KHDC1: variants seen among roughly 807,000 people sequenced by gnomAD.
The protein encoded by KHDC1 is KH homology domain-containing protein 1.
A neutral mutation model predicts 24.7 loss-of-function variants in KHDC1; 21 were observed. That is an observed-to-expected ratio of 0.85 (90% confidence interval 0.60 to 1.23). The LOEUF (loss-of-function observed/expected upper bound fraction) is 1.23, where lower values mean the gene tolerates loss of function less well. KHDC1 is among the 50% of genes most tolerant of loss of function. The pLI is 0.00. For missense variants in KHDC1, 274 were observed against 298.5 expected (o/e 0.92, Z 0.61); for synonymous variants, 98 against 111.7 (o/e 0.88, Z 0.77).
chr6:73,274,404 A>G (rs986424987), intron 2 of KHDC1: 45 of 152,108 alleles, frequency 3.0e-4, no homozygotes, highest in African/African-American at 9.9e-4. Flanking sequence ...AACTCTACCT[A>G]ATGTTGGTGA....
chr6:73,251,266 A>T (rs1461122305), intron 2 of KHDC1, among the ~76,000 whole-genome samples: 1 of 152,240 alleles, frequency 6.6e-6, no homozygotes, highest in African/African-American at 2.4e-5. Context: ...ATTAAAAATC[A>T]AAGTCCTTCA....
intron 2 of KHDC1, chr6:73,284,518 T>C (rs1767481815): frequency 6.6e-6 from 1 of 152,124 alleles, no homozygotes. Context: ...ATAAAAACTC[T>C]GGCCTCTGAG....
chr6:73,299,499 C>G (rs567073668), intron 1 of KHDC1: 1 of 152,774 alleles, frequency 6.5e-6, no homozygotes, highest in South Asian at 2.1e-4. Context: ...CCCTCCCCAG[C>G]TGGGACCTCC....
chr6:73,255,878 G>A (rs1409130884), intron 2 of KHDC1, among the ~76,000 whole-genome samples: 1 of 149,190 alleles, frequency 6.7e-6, no homozygotes, highest in Non-Finnish European at 1.5e-5. Flanking sequence ...CTCCAGCCTG[G>A]GTGACAGAGT....
exon 5 of KHDC1, chr6:73,241,489 C>T (rs776040074): frequency 6.3e-7 from 1 of 1,592,614 alleles, no homozygotes; most frequent in Admixed American, 1.7e-5. Context: ...GCCAAGATTT[C>T]TCCTCTCATC....
rs898221548 is a variant in KHDC1, at chr6:73,277,554, T to G, written c.206+14444A>C. Among the ~76,000 whole-genome samples the G allele has an allele frequency of 2.0e-4, 31 of 152,120 alleles. 1 individual carries two copies. The highest frequency in any genetic ancestry group is 2.0e-3 in the Admixed American group (31 of 15,260). ...ACACATTATCAGTTAGTATAAAACTTTAAAATATCGCTTGGGCCAAGCGCA... is the reference window on the plus strand; with the variant it reads ...ACACATTATCAGTTAGTATAAAACTGTAAAATATCGCTTGGGCCAAGCGCA... On this transcript the variant is annotated intron_variant, in intron 2 of 4. Coordinates refer to ENST00000370384, the Ensembl canonical transcript of KHDC1.
intron 2 of KHDC1, chr6:73,291,056 AG>A: frequency 2.4e-6 from 1 of 418,454 alleles, no homozygotes; most frequent in Non-Finnish European, 4.7e-6. Context: ...CTGAAAAAGG[AG>A]GAATTTCAAA....
intron 2 of KHDC1, among the ~76,000 whole-genome samples, chr6:73,279,870 C>T (rs1324706165): frequency 1.3e-5 from 2 of 152,122 alleles, no homozygotes; most frequent in Admixed American, 6.6e-5. Flanking sequence ...GCCACCTTGC[C>T]CGGCCAAGAT....
chr6:73,289,125 G>A (rs982560462), intron 2 of KHDC1, among the ~76,000 whole-genome samples: 7 of 151,798 alleles, frequency 4.6e-5, no homozygotes, highest in Admixed American at 4.6e-4. Flanking sequence ...CTTGAGGCCA[G>A]GAGTTCAAGA....
At chr6:73,245,139 G>T (rs2150551071) in intron 2 of KHDC1, among the ~76,000 whole-genome samples, 1 of 152,244 alleles carries the variant, frequency 6.6e-6, no homozygotes, top group Middle Eastern at 3.4e-3. Context: ...GGAGGGCAAA[G>T]ATACCAGAAC....
At chr6:73,257,109 A>G (rs145065287) in intron 2 of KHDC1, among the ~76,000 whole-genome samples, 2,304 of 152,272 alleles carry the variant, frequency 0.015, 26 homozygotes, top group East Asian at 0.056. Context: ...CCTAGGCAAC[A>G]TGGCAAAACC....
At chr6:73,289,507 A>T (rs1767596466) in intron 2 of KHDC1, among the ~76,000 whole-genome samples, 1 of 150,840 alleles carries the variant, frequency 6.6e-6, no homozygotes, top group African/African-American at 2.4e-5. Context: ...AAAATTAGCC[A>T]GGCCATGGTG....
intron 2 of KHDC1, among the ~76,000 whole-genome samples, chr6:73,248,011 T>C (rs887675436): frequency 6.6e-6 from 1 of 152,104 alleles, no homozygotes; most frequent in Non-Finnish European, 1.5e-5. Flanking sequence ...TAACACCCAC[T>C]CACACCTTTC....
intron 2 of KHDC1, among the ~76,000 whole-genome samples, chr6:73,247,855 C>CAAAAAA (rs60650206): frequency 2.9e-4 from 26 of 89,452 alleles, no homozygotes; most frequent in African/African-American, 3.6e-4. Context: ...GACTCTGTCT[C>CAAAAAA]AAAAAAAAAA....
At chr6:73,249,704 G>C (rs1370771508) in intron 2 of KHDC1, among the ~76,000 whole-genome samples, 1 of 152,116 alleles carries the variant, frequency 6.6e-6, no homozygotes, top group Non-Finnish European at 1.5e-5. Flanking sequence ...AACCAAAAGT[G>C]TGAATAACTT....
At chr6:73,286,600 G>T (rs1767528341) in intron 2 of KHDC1, among the ~76,000 whole-genome samples, 1 of 152,108 alleles carries the variant, frequency 6.6e-6, no homozygotes, top group South Asian at 2.1e-4. Flanking sequence ...AACCAGATGG[G>T]GCAGAGCATG....
exon 5 of KHDC1, chr6:73,241,533 G>A (rs538554497): frequency 3.3e-5 from 54 of 1,613,524 alleles, no homozygotes; most frequent in Middle Eastern, 1.7e-4. Flanking sequence ...CCTTAATTAC[G>A]GATACAGTGA....
chr6:73,261,585 T>A (rs1274347783), intron 2 of KHDC1, among the ~76,000 whole-genome samples: 2 of 150,384 alleles, frequency 1.3e-5, no homozygotes, highest in African/African-American at 4.9e-5. Context: ...GCCTGGGCAA[T>A]ATGGTGAAAC....
At chr6:73,241,422 CG>C (rs1292244560) in exon 5 of KHDC1, 4 of 1,040,202 alleles carry the variant, frequency 3.8e-6, no homozygotes, top group Non-Finnish European at 5.9e-6. Flanking sequence ...GGACAGGTCC[CG>C]GCCACAAGTT....
Sources: gnomAD v4.1 joint callset for allele counts (sites outside exome capture counted in the v4.1 genomes callset) on GRCh38, gnomAD v4.1.1 for gene constraint, MANE v1.5 for transcripts, NCBI Gene and HGNC (gene_info 2026-07-23, HGNC 2026-07-21) for gene names.